The following ABCA13 variants were observed in gnomAD, a reference collection of about 807,000 sequenced individuals.
The protein encoded by ABCA13 is ATP binding cassette subfamily A member 13.
In ABCA13, 476 loss-of-function variants were observed where a neutral mutation model predicts 478.7. The ratio of observed to expected loss-of-function variants is 0.99; its 90% confidence interval spans 0.92 to 1.07. The LOEUF (loss-of-function observed/expected upper bound fraction) is 1.07, where lower values mean the gene tolerates loss of function less well. Among genes scored for constraint, ABCA13 ranks in the 50% least tolerant of loss-of-function variants. The probability of loss-of-function intolerance (pLI) is 0.00; values close to 1 mark genes in which losing one functional copy is unlikely to be tolerated. For missense variants in ABCA13, 6,060 were observed against 5,910.6 expected (o/e 1.03, Z -0.83); for synonymous variants, 2,252 against 2,158.9 (o/e 1.04, Z -1.20).
At chr7:48,591,466 G>T (rs1789737806) in intron 57 of ABCA13, among the ~76,000 whole-genome samples, 1 of 151,804 alleles carries the variant, frequency 6.6e-6, no homozygotes, top group Non-Finnish European at 1.5e-5. Flanking sequence ...GGTCTTTTGG[G>T]TTTTTTAAAT....
chr7:48,635,218 G>T (rs1490512548), intron 59 of ABCA13, among the ~76,000 whole-genome samples: 3 of 54,608 alleles, frequency 5.5e-5, no homozygotes, highest in African/African-American at 1.4e-4. Flanking sequence ...ACATTTTGTT[G>T]CCAAAAAAAA....
At chr7:48,229,148 T>A (rs908849426) in intron 6 of ABCA13, among the ~76,000 whole-genome samples, 1 of 152,198 alleles carries the variant, frequency 6.6e-6, no homozygotes, top group African/African-American at 2.4e-5. Context: ...GTTGGTCTCA[T>A]GTTGCTAAAA....
At chr7:48,277,435 T>G (rs899756162) in intron 17 of ABCA13, among the ~76,000 whole-genome samples, 1 of 152,242 alleles carries the variant, frequency 6.6e-6, no homozygotes, top group Admixed American at 6.5e-5. Context: ...GTATCCCTTC[T>G]GACTAATTTA....
intron 23 of ABCA13, among the ~76,000 whole-genome samples, chr7:48,302,367 TA>T (rs1245251830): frequency 3.3e-5 from 5 of 152,198 alleles, no homozygotes; most frequent in Non-Finnish European, 7.3e-5. Flanking sequence ...ATTTTAGGCT[TA>T]GGGGTGCATA....
chr7:48,197,561 G>A (rs922681301), intron 2 of ABCA13, among the ~76,000 whole-genome samples: 17 of 152,106 alleles, frequency 1.1e-4, no homozygotes, highest in African/African-American at 3.6e-4. Context: ...AAAACCAGGT[G>A]TACTGTGCAG....
At chr7:48,467,081 C>T (rs1343800271) in intron 44 of ABCA13, 36 bp downstream of exon 44, 1 of 1,560,994 alleles carries the variant, frequency 6.4e-7, no homozygotes, top group South Asian at 1.1e-5. Context: ...AGTGAACACT[C>T]CCAACTGGTA....
chr7:48,512,605 A>G (rs1831786877), intron 51 of ABCA13, among the ~76,000 whole-genome samples: 1 of 152,162 alleles, frequency 6.6e-6, no homozygotes, highest in Non-Finnish European at 1.5e-5. Flanking sequence ...TTTGCTATAA[A>G]ATTATTTTTG....
chr7:48,393,095 A>G (rs1373312450), intron 38 of ABCA13, among the ~76,000 whole-genome samples: 2 of 152,248 alleles, frequency 1.3e-5, no homozygotes, highest in Non-Finnish European at 2.9e-5. Context: ...AGTTTAGACC[A>G]GAGGTAAAAG....
chr7:48,428,821 A>G (rs1821767384), intron 42 of ABCA13, among the ~76,000 whole-genome samples: 1 of 152,186 alleles, frequency 6.6e-6, no homozygotes, highest in South Asian at 2.1e-4. Context: ...CACACAATTC[A>G]CTCATATAAA....
At chr7:48,542,117 T>G (rs1030460273) in intron 55 of ABCA13, among the ~76,000 whole-genome samples, 1 of 151,608 alleles carries the variant, frequency 6.6e-6, no homozygotes, top group African/African-American at 2.4e-5. Flanking sequence ...ATGAAAGACA[T>G]AGAATGATAA....
intron 47 of ABCA13, among the ~76,000 whole-genome samples, chr7:48,488,214 T>C (rs1829516949): frequency 6.6e-6 from 1 of 152,090 alleles, no homozygotes; most frequent in Non-Finnish European, 1.5e-5. Context: ...TTGGGGAACA[T>C]TGTCTTGTGT....
intron 42 of ABCA13, among the ~76,000 whole-genome samples, chr7:48,436,845 T>G (rs1005090788): frequency 2.0e-5 from 3 of 151,932 alleles, no homozygotes; most frequent in Non-Finnish European, 4.4e-5. Flanking sequence ...TTTCTGTTGT[T>G]GATTTCTAAT....
At chr7:48,205,436 G>A (rs1396836498) in intron 3 of ABCA13, among the ~76,000 whole-genome samples, 1 of 152,132 alleles carries the variant, frequency 6.6e-6, no homozygotes, top group Non-Finnish European at 1.5e-5. Context: ...TGGTGCATCT[G>A]CGTCTGGCTT....
At chr7:48,319,451 T>G (rs2128904156) in intron 27 of ABCA13, among the ~76,000 whole-genome samples, 1 of 152,334 alleles carries the variant, frequency 6.6e-6, no homozygotes, top group South Asian at 2.1e-4. Flanking sequence ...GTCATTAGAC[T>G]CATGGTCTAA....
chr7:48,577,436 A>G (rs1351488863), intron 55 of ABCA13, among the ~76,000 whole-genome samples: 1 of 152,150 alleles, frequency 6.6e-6, no homozygotes, highest in Non-Finnish European at 1.5e-5. Context: ...TAAAATATTA[A>G]TAAGGAAATA....
rs189612635 is a variant in ABCA13 at position 48,503,174 on chromosome 7, A to G, written c.13292-3162A>G. ...CAATCATGGTTCACTGCAGCCTCAGACTCCTGGGCTCAAGCAGTCCTCCCA... is the reference window on the plus strand; with the variant it reads ...CAATCATGGTTCACTGCAGCCTCAGGCTCCTGGGCTCAAGCAGTCCTCCCA... On this transcript the variant is annotated intron_variant, in intron 48 of 61. Transcript: ENST00000435803. Among the ~76,000 whole-genome samples the G allele has an allele frequency of 3.2e-3, 493 of 152,116 alleles. 3 individuals are homozygous for G. The highest frequency in any genetic ancestry group is 0.011 in the African/African-American group (452 of 41,518).
chr7:48,521,000 C>T (rs752283104), intron 53 of ABCA13, among the ~76,000 whole-genome samples: 9 of 151,894 alleles, frequency 5.9e-5, no homozygotes, highest in East Asian at 1.9e-4. Flanking sequence ...CAGGTGAGGT[C>T]GAAAGTCAGT....
chr7:48,208,318 A>AT (rs920410044), intron 3 of ABCA13, among the ~76,000 whole-genome samples: 49 of 151,714 alleles, frequency 3.2e-4, no homozygotes, highest in Non-Finnish European at 1.5e-4. Context: ...TAAAAAATGA[A>AT]TTTTTTTTCT....
Position 48,410,582 on chromosome 7 carries a change from G to C in ABCA13, c.12133G>C (p.Ala4045Pro). 1 of 1,614,024 alleles carries C rather than the reference G, an allele frequency of 6.2e-7. No homozygotes were observed. Residue 4045 changes from alanine (A) to proline (P), a missense_variant, in exon 40 of 62, where the codon GCC (alanine) becomes CCC (proline). This residue lies in a region of ABCA13 where 1,627 missense variants were observed against 1,571.0 expected (regional missense o/e 1.04). Transcript: ENST00000435803. The part of the protein sequence containing the change: ...DEAEALSDRV[A>P]VLQHGRLRCC... ...AGCTGAAGCGCTGAGTGACCGCGTG[G>C]CCGTCCTCCAGCATGGGAGGCTCAG...
Sources: gnomAD v4.1 joint callset for allele counts (sites outside exome capture counted in the v4.1 genomes callset) on GRCh38, gnomAD v4.1.1 for gene constraint, gnomAD v4.1.1 regional missense constraint, MANE v1.5 for transcripts, NCBI Gene and HGNC (gene_info 2026-07-23, HGNC 2026-07-21) for gene names.